Variants in TTC5 observed in about 807,000 individuals in gnomAD.
TTC5 encodes the protein tetratricopeptide repeat domain 5, also known as tetratricopeptide repeat protein 5.
Under a neutral mutation model 57.4 loss-of-function variants are expected in TTC5, and 46 were observed. The ratio of observed to expected loss-of-function variants is 0.80; its 90% confidence interval spans 0.63 to 1.03. TTC5 has a LOEUF of 1.03. Ranked by LOEUF, TTC5 falls within the 50% of genes least tolerant of loss-of-function variation. The pLI is 0.00. For missense variants in TTC5, 504 were observed against 528.1 expected, an observed-to-expected ratio of 0.95 and a Z score of 0.45; for synonymous variants, 190 against 203.5, an observed-to-expected ratio of 0.93 and a Z score of 0.57.
chr14:20,289,796 A>G, intron 9 of TTC5, 50 bp from the exon 10 acceptor site: 1 of 1,557,624 alleles, frequency 6.4e-7, no homozygotes, highest in Non-Finnish European at 8.7e-7. Context: ...AAGATGGAAA[A>G]AGCTCCAGCA....
Position 20,295,467 on chromosome 14 carries a change from T to G in TTC5, c.903A>C (p.Leu301=), listed in dbSNP as rs1882041764. 3.1e-6 allele frequency: 5 copies of G among 1,614,164 alleles called. No homozygotes were observed. The South Asian group carries it at 5.5e-5, about 18-fold the overall frequency. Reference sequence around the variant, plus strand: ...GATAGTGCCCATCACTGCAAGGGCCTAGATGGGCTGGGCGCAAGCTTCCCA... The same window carrying G: ...GATAGTGCCCATCACTGCAAGGGCCGAGATGGGCTGGGCGCAAGCTTCCCA... ...SMLGSLRPAH[L]GPCSDGHYQS... The change falls in exon 8 of 10, where the codon CTA becomes CTC. Residue 301 remains leucine (L), a synonymous_variant. Transcript: ENST00000258821.
intron 2 of TTC5, 135 bp downstream of exon 2, chr14:20,301,698 G>T: frequency 1.8e-6 from 2 of 1,104,206 alleles, no homozygotes; most frequent in Non-Finnish European, 2.5e-6. Context: ...TTGCACAGGG[G>T]CCCTGAGAAG....
chr14:20,303,490 G>C (rs370632651), intron 1 of TTC5, among the ~76,000 whole-genome samples: 5 of 152,170 alleles, frequency 3.3e-5, no homozygotes, highest in Admixed American at 3.3e-4. Flanking sequence ...ACTTCCCTTC[G>C]AGTGTAATCA....
In TTC5 at chr14:20,299,336, A is replaced by G; in HGVS notation, c.509T>C (p.Leu170Ser). 1 of 1,614,164 alleles carries G rather than the reference A, an allele frequency of 6.2e-7. No individual in the cohort carries two copies. The highest frequency in any genetic ancestry group is 1.7e-5 in the Admixed American group (1 of 60,030). ...ATCATGGACATCCATCTGAACAGCC[A>G]ACTTAGCCTGTCGGACACTGTCCAT... ...HVMDSVRQAK[L>S]AVQMDVHDGR... Residue 170 changes from leucine to serine, a missense_variant, in exon 4 of 10, where the codon TTG becomes TCG. Transcript: ENST00000258821.
At chr14:20,295,234 C>T in intron 8 of TTC5, 78 bp downstream of exon 8, 2 of 1,357,758 alleles carry the variant, frequency 1.5e-6, no homozygotes, top group Admixed American at 3.5e-5. Context: ...ACAATCTCCT[C>T]AACTGCCAGG....
At chr14:20,298,493 T>C (rs1882111376) in intron 5 of TTC5, among the ~76,000 whole-genome samples, 1 of 152,200 alleles carries the variant, frequency 6.6e-6, no homozygotes, top group African/African-American at 2.4e-5. Flanking sequence ...TAGACTTTTT[T>C]CCCATTAAAA....
intron 1 of TTC5, among the ~76,000 whole-genome samples, chr14:20,303,059 GCGCACACCTGTAGTCCCAC>G: frequency 6.6e-6 from 1 of 151,988 alleles, no homozygotes; most frequent in South Asian, 2.1e-4. Context: ...AGGCATGGTG[GCGCACACCTGTAGTCCCAC>G]CTACTCGGGA....
rs1265614227 is a variant in TTC5 at position 20,295,366 on chromosome 14, G to T, written c.1004C>A (p.Ala335Asp). 2 of 1,614,028 alleles carry T rather than the reference G, an allele frequency of 1.2e-6. No homozygotes were observed. The highest frequency in any genetic ancestry group is 2.7e-5 in the African/African-American group (2 of 74,910). Residue 335 changes from alanine to aspartate, a missense_variant, in exon 8 of 10, where the codon GCC (alanine) becomes GAC (aspartate). Transcript: ENST00000258821. ...STLQPGVNSG[A>D]VILGKVVFSL... Reference sequence around the variant, plus strand: ...AAATACCACCTTTCCCAGGATGACGGCACCGCTGTTCACCCCAGGCTGAAG... The same window carrying T: ...AAATACCACCTTTCCCAGGATGACGTCACCGCTGTTCACCCCAGGCTGAAG...
At chr14:20,305,581 T>A (rs1882273615) in intron 1 of TTC5, 1 of 487,086 alleles carries the variant, frequency 2.1e-6, no homozygotes, top group African/African-American at 1.9e-5. Context: ...CACACACATG[T>A]ATATGCTATT....
rs1882138441 is a variant in TTC5 at position 20,299,538 on chromosome 14, T to C, written c.397-90A>G. 1.2e-5 allele frequency: 17 copies of C among 1,476,572 alleles called. No homozygotes were observed. In the South Asian group the frequency reaches 1.7e-4, roughly 15 times the overall value. 91.5% of individuals were successfully genotyped at this position (1,476,572 alleles called of 1,614,324 possible). ...GAACTCAGTCTTCTAAATCTAATTT[T>C]TTACCTTTCTAAGTTTTTTGTTTTG... On this transcript the variant is annotated intron_variant, in intron 3 of 9. Coordinates refer to ENST00000258821, the MANE Select transcript of TTC5 (RefSeq NM_138376.3).
intron 6 of TTC5, 125 bp from the exon 7 acceptor site, chr14:20,295,979 A>T: frequency 2.1e-6 from 2 of 963,810 alleles, no homozygotes; most frequent in Non-Finnish European, 3.0e-6. Context: ...CTGTGCTGCA[A>T]CAAACAGCCT....
At chr14:20,296,950 C>A (rs909546530) in intron 5 of TTC5, among the ~76,000 whole-genome samples, 2 of 152,078 alleles carry the variant, frequency 1.3e-5, no homozygotes, top group South Asian at 4.1e-4. Flanking sequence ...GTGGAGGTTG[C>A]AGTGAGCCGA....
chr14:20,295,697 G>A lies in TTC5; in HGVS notation c.843+11C>T, dbSNP rs752193343. ...AAAAAAAGTGGAATTCAGCCCTTCA[G>A]ACATTTTTACCTTACTCTCAAGGAG... On this transcript the variant is annotated intron_variant, in intron 7 of 9. Coordinates refer to ENST00000258821, the MANE Select transcript of TTC5 (RefSeq NM_138376.3). The A allele has an allele frequency of 1.6e-5, 25 of 1,581,806 alleles. No individual in the cohort carries two copies. Among genetic ancestry groups the A allele is most frequent in the African/African-American group, 2.8e-5 (2 of 72,442 alleles).
intron 1 of TTC5, among the ~76,000 whole-genome samples, chr14:20,304,712 C>T (rs1345163414): frequency 2.0e-5 from 3 of 152,156 alleles, no homozygotes; most frequent in African/African-American, 7.2e-5. Context: ...TTCCTTTTGT[C>T]CTGCAATCAA....
Position 20,289,061 on chromosome 14 carries a change from A to G in TTC5, c.*566T>C, listed in dbSNP as rs1881898076. ...AGAAAAAAATGGGGGTATTACTCCA[A>G]TAAATTGAAGTGATCCTAAAACAAA... On this transcript the variant is annotated 3_prime_UTR_variant, in exon 10 of 10. Transcript: ENST00000258821. The G allele has an allele frequency of 6.6e-6, 1 of 152,074 alleles. No homozygotes were observed. Among genetic ancestry groups the G allele is most frequent in the Admixed American group, 6.6e-5 (1 of 15,266 alleles). 9.4% of individuals were successfully genotyped at this position (152,074 alleles called of 1,614,324 possible).
In TTC5 at chr14:20,291,988, C is replaced by T. The variant is rs1266116372; in HGVS notation, c.1198G>A (p.Gly400Arg). The change falls in exon 9 of 10, where the codon GGA (glycine) becomes AGA (arginine). Residue 400 changes from glycine to arginine, a missense_variant. Coordinates refer to ENST00000258821, the MANE Select transcript of TTC5 (RefSeq NM_138376.3). ...NLRLHRIQHKGKDYSFSSVRV... is the reference protein window; with the variant it reads ...NLRLHRIQHKRKDYSFSSVRV... The stretch of plus-strand genomic sequence containing the variant: ...GAATCCTAGCCATTGCTCACCTTTC[C>T]TTTGTGCTGAATTCGGTGAAGCCGC... 1.3e-6 allele frequency: 2 copies of T among 1,581,580 alleles called. No homozygotes were observed. Among genetic ancestry groups the T allele is most frequent in the Admixed American group, 3.7e-5 (2 of 54,644 alleles).
intron 8 of TTC5, chr14:20,293,111 C>A (rs1440284943): frequency 6.6e-6 from 1 of 152,136 alleles, no homozygotes; most frequent in Non-Finnish European, 1.5e-5. Context: ...CAGTTAATGA[C>A]TGCATGCTAA....
chr14:20,301,804 G>A (rs758611095), intron 2 of TTC5, 29 bp downstream of exon 2: 2 of 1,612,806 alleles, frequency 1.2e-6, no homozygotes, highest in Non-Finnish European at 1.7e-6. Flanking sequence ...ACTGAAGGAT[G>A]GGGGTTGTAC....
intron 2 of TTC5, among the ~76,000 whole-genome samples, chr14:20,301,173 G>A (rs1217552940): frequency 1.3e-5 from 2 of 152,202 alleles, no homozygotes; most frequent in African/African-American, 2.4e-5. Context: ...CAATGAATGG[G>A]CTTTAACAAG....
Sources: allele counts gnomAD v4.1 joint callset (sites outside exome capture counted in the v4.1 genomes callset), GRCh38; gene constraint gnomAD v4.1.1; transcripts MANE v1.5; gene names NCBI Gene and HGNC (gene_info 2026-07-23, HGNC 2026-07-21).